ITPR2: variants seen among roughly 807,000 people sequenced by gnomAD.
ITPR2 encodes the protein inositol 1,4,5-trisphosphate-gated calcium channel ITPR2.
In ITPR2, 207 loss-of-function variants were observed where a neutral mutation model predicts 317.1. The ratio of observed to expected loss-of-function variants is 0.65; its 90% CI spans 0.58 to 0.73. The LOEUF (loss-of-function observed/expected upper bound fraction) is 0.73, where lower values mean the gene tolerates loss of function less well. Ranked by LOEUF, ITPR2 falls within the 30% of genes least tolerant of loss-of-function variation. The pLI, the probability that ITPR2 is intolerant of heterozygous loss-of-function variation, is 0.00. For missense variants in ITPR2, 2,613 were observed against 3,284.0 expected, an observed-to-expected ratio of 0.80 and a Z score of 4.99; for synonymous variants, 1,156 against 1,149.1, an observed-to-expected ratio of 1.01 and a Z score of -0.12.
chr12:26,536,195 C>A (rs754627106), intron 37 of ITPR2, among the ~76,000 whole-genome samples: 2 of 152,154 alleles, frequency 1.3e-5, no homozygotes, highest in Admixed American at 6.5e-5. Flanking sequence ...AAAAGAAAAG[C>A]AGCCAAATAA....
intron 41 of ITPR2, among the ~76,000 whole-genome samples, chr12:26,485,799 CAA>C (rs1942651709): frequency 6.6e-6 from 1 of 152,126 alleles, no homozygotes; most frequent in Non-Finnish European, 1.5e-5. Flanking sequence ...TCTCTCTCAA[CAA>C]TATAACCTTA....
chr12:26,415,355 C>T lies in ITPR2; in HGVS notation c.7254G>A (p.Lys2418=). The T allele has an allele frequency of 5.6e-6, 9 of 1,611,886 alleles. No homozygotes were observed. Among genetic ancestry groups the T allele is most frequent in the Non-Finnish European group, 6.8e-6 (8 of 1,178,880 alleles). ...TATCAACTTCCATAGTGAAGTCATCCTTCAAAAAAAGGAACCCAATAATGG... is the reference window on the plus strand; with the variant it reads ...TATCAACTTCCATAGTGAAGTCATCTTTCAAAAAAAGGAACCCAATAATGG... ...LFSIIGFLFL[K]DDFTMEVDRL... is the part of the protein sequence containing the mutation. The change falls in exon 51 of 57, where the codon AAG becomes AAA. Residue 2418 remains lysine (K), a synonymous_variant. Transcript: ENST00000381340.
chr12:26,632,803 T>TA (rs1946783709), intron 21 of ITPR2, among the ~76,000 whole-genome samples: 1 of 152,214 alleles, frequency 6.6e-6, no homozygotes. Flanking sequence ...GCTTCTCCTT[T>TA]ATTTGCTGAT....
intron 37 of ITPR2, among the ~76,000 whole-genome samples, chr12:26,549,358 A>G (rs1432068244): frequency 6.6e-6 from 1 of 152,220 alleles, no homozygotes; most frequent in Admixed American, 6.5e-5. Flanking sequence ...TTCTATTAAT[A>G]TCTAAGTTTC....
intron 36 of ITPR2, among the ~76,000 whole-genome samples, chr12:26,551,945 A>G (rs1440911718): frequency 6.6e-6 from 1 of 152,210 alleles, no homozygotes; most frequent in African/African-American, 2.4e-5. Flanking sequence ...CACTGTTCTA[A>G]AGCACCTGAA....
intron 37 of ITPR2, among the ~76,000 whole-genome samples, chr12:26,501,181 T>A (rs1045952587): frequency 2.6e-5 from 4 of 152,194 alleles, no homozygotes; most frequent in African/African-American, 9.6e-5. Context: ...TACCTGTTAG[T>A]CTCCCCATAG....
At chr12:26,379,891 C>T (rs959835656) in intron 55 of ITPR2, among the ~76,000 whole-genome samples, 3 of 152,212 alleles carry the variant, frequency 2.0e-5, no homozygotes, top group Non-Finnish European at 4.4e-5. Context: ...TCACACGGAA[C>T]TTCTCCTTAA....
chr12:26,449,464 T>C (rs949693436), intron 45 of ITPR2, among the ~76,000 whole-genome samples: 19 of 152,192 alleles, frequency 1.2e-4, no homozygotes, highest in Admixed American at 9.8e-4. Flanking sequence ...TGTGGGATGA[T>C]AGAGATGAGC....
rs1385379132 is a variant in ITPR2 at position 26,718,142 on chromosome 12, TATAC to T, written c.526-1904_526-1901del. Among the ~76,000 whole-genome samples, 5 of 152,152 alleles carry T rather than the reference TATAC, an allele frequency of 3.3e-5. No individual in the cohort carries two copies. The East Asian group carries it at 9.6e-4, about 29-fold the overall frequency. Reference sequence around the variant, plus strand: ...AGAACGTGCAGGTTTGTTACATAGGTATACATGTGCCCTGATGGCTTACTGCACC... The same window carrying T: ...AGAACGTGCAGGTTTGTTACATAGGTATGTGCCCTGATGGCTTACTGCACC... On this transcript the variant is annotated intron_variant, in intron 5 of 56. Transcript: ENST00000381340.
intron 34 of ITPR2, among the ~76,000 whole-genome samples, chr12:26,563,135 C>T (rs2137032562): frequency 6.6e-6 from 1 of 152,254 alleles, no homozygotes; most frequent in African/African-American, 2.4e-5. Flanking sequence ...CAGTTTTTAC[C>T]TGGAGGACAA....
chr12:26,782,191 G>A (rs570629233), intron 2 of ITPR2, among the ~76,000 whole-genome samples: 77 of 151,416 alleles, frequency 5.1e-4, no homozygotes, highest in Admixed American at 1.5e-3. Context: ...ATTAGAGAAC[G>A]CTGACTAACA....
intron 21 of ITPR2, among the ~76,000 whole-genome samples, chr12:26,651,872 T>G (rs965981436): frequency 6.6e-6 from 1 of 152,176 alleles, no homozygotes; most frequent in Non-Finnish European, 1.5e-5. Flanking sequence ...AGGTTTCTTT[T>G]GTCTTGTGGT....
intron 55 of ITPR2, among the ~76,000 whole-genome samples, chr12:26,354,103 G>A (rs1455494471): frequency 5.9e-5 from 9 of 151,964 alleles, no homozygotes; most frequent in Non-Finnish European, 8.8e-5. Flanking sequence ...GTGAAACCCC[G>A]TCTCTACTAA....
At chr12:26,544,847 T>A (rs769999429) in intron 37 of ITPR2, among the ~76,000 whole-genome samples, 8 of 152,096 alleles carry the variant, frequency 5.3e-5, no homozygotes, top group Non-Finnish European at 1.2e-4. Flanking sequence ...ACAGGGCAGG[T>A]ATTGGGTAAC....
chr12:26,472,593 A>AT (rs1008976289), intron 45 of ITPR2, among the ~76,000 whole-genome samples: 27 of 151,700 alleles, frequency 1.8e-4, no homozygotes, highest in Admixed American at 3.3e-4. Context: ...GCCTTGTAAC[A>AT]TTTTTTTTAC....
intron 52 of ITPR2, chr12:26,406,428 GTTTTTTTTTTTT>G: frequency 1.0e-5 from 1 of 100,276 alleles, no homozygotes; most frequent in South Asian, 3.6e-4. Context: ...GAAATATGAA[GTTTTTTTTTTTT>G]TTTTTTTTTT....
intron 37 of ITPR2, among the ~76,000 whole-genome samples, chr12:26,513,766 A>T (rs1303772830): frequency 2.0e-5 from 3 of 151,806 alleles, no homozygotes; most frequent in Non-Finnish European, 2.9e-5. Flanking sequence ...ACACACACAC[A>T]CACACACACA....
At chr12:26,459,180 T>C (rs1218964852) in intron 45 of ITPR2, among the ~76,000 whole-genome samples, 1 of 152,218 alleles carries the variant, frequency 6.6e-6, no homozygotes, top group African/African-American at 2.4e-5. Flanking sequence ...GTACACACAC[T>C]TCTGCTGAAG....
chr12:26,526,169 T>C (rs910253172), intron 37 of ITPR2, among the ~76,000 whole-genome samples: 4 of 152,208 alleles, frequency 2.6e-5, no homozygotes, highest in Admixed American at 6.5e-5. Flanking sequence ...AATAGACTCA[T>C]GGAAATAAGA....
Sources: gnomAD v4.1 joint callset for allele counts (sites outside exome capture counted in the v4.1 genomes callset) on GRCh38, gnomAD v4.1.1 for gene constraint, MANE v1.5 for transcripts, NCBI Gene and HGNC (gene_info 2026-07-23, HGNC 2026-07-21) for gene names.